Variants in BRI3 observed in about 807,000 individuals in gnomAD.
BRI3 encodes membrane protein BRI3.
BRI3 carries 6 observed loss-of-function variants against 12.8 expected under a neutral mutation model. That is an observed-to-expected ratio of 0.47 (90% CI 0.26 to 0.93). The LOEUF (loss-of-function observed/expected upper bound fraction) is 0.93, where lower values mean the gene tolerates loss of function less well. Among genes scored for constraint, BRI3 ranks in the 40% least tolerant of loss-of-function variants. BRI3 has a pLI of 0.15. For missense variants in BRI3, 134 were observed against 171.1 expected (o/e 0.78, Z 1.21); for synonymous variants, 91 against 76.1 (o/e 1.20, Z -1.02).
At chr7:98,293,203 C>T, downstream of BRI3, 1 of 301,632 alleles carries the variant, frequency 3.3e-6, no homozygotes, top group Non-Finnish European at 6.0e-6. Flanking sequence ...ATCCCTTATT[C>T]TGGCTGTTAT....
downstream of BRI3, among the ~76,000 whole-genome samples, chr7:98,312,507 T>C (rs889114541): frequency 2.6e-5 from 4 of 152,204 alleles, no homozygotes; most frequent in South Asian, 4.2e-4. Flanking sequence ...ATACAGAGCA[T>C]GGGACTAATA....
chr7:98,294,263 G>C, downstream of BRI3: 1 of 724,338 alleles, frequency 1.4e-6, no homozygotes, highest in Non-Finnish European at 2.3e-6. Context: ...AATGTGCTGG[G>C]ACTACAGGTG....
At chr7:98,305,065 T>TC (rs1800599658), upstream of BRI3, among the ~76,000 whole-genome samples, 1 of 146,856 alleles carries the variant, frequency 6.8e-6, no homozygotes, top group East Asian at 2.0e-4. Context: ...TTTTTTTTTT[T>TC]TTTTTAGTAG....
chr7:98,296,208 G>A (rs1800184704), downstream of BRI3, among the ~76,000 whole-genome samples: 1 of 152,254 alleles, frequency 6.6e-6, no homozygotes, highest in Non-Finnish European at 1.5e-5. Context: ...GATGGTCACG[G>A]AGGTGGGCCA....
chr7:98,306,397 G>C, upstream of BRI3: 2 of 1,605,568 alleles, frequency 1.2e-6, no homozygotes. Flanking sequence ...GACAAGGCAG[G>C]GGTTTCTGTC....
downstream of BRI3, chr7:98,310,675 T>A (rs2906184): frequency 0.21 from 206,659 of 982,512 alleles, 16,294 homozygotes; most frequent in South Asian, 0.31. Flanking sequence ...TTTTTTTTTT[T>A]AAATAATAGG....
upstream of BRI3, among the ~76,000 whole-genome samples, chr7:98,303,383 C>T (rs1800505623): frequency 1.3e-5 from 2 of 152,218 alleles, no homozygotes; most frequent in African/African-American, 2.4e-5. Context: ...GCCTCCTCCC[C>T]TTCACCCACA....
At chr7:98,288,632 A>G (rs769768936) in intron 2 of BRI3, among the ~76,000 whole-genome samples, 1 of 151,838 alleles carries the variant, frequency 6.6e-6, no homozygotes, top group South Asian at 2.1e-4. Context: ...GAGTTTGGGA[A>G]ACACTGGGTA....
At chr7:98,292,246 A>AAC (rs1237658737), downstream of BRI3, 3 of 255,372 alleles carry the variant, frequency 1.2e-5, no homozygotes, top group Non-Finnish European at 2.3e-5. Flanking sequence ...AGCACCCAGC[A>AAC]ACACACACGG....
chr7:98,290,847 TC>T (rs1799912062), intron 2 of BRI3, among the ~76,000 whole-genome samples: 1 of 152,268 alleles, frequency 6.6e-6, no homozygotes. Context: ...GTTTTATTCT[TC>T]CCGTTTTCTT....
At position 98,291,482 on chromosome 7, in the gene BRI3, A is replaced by C. The variant is rs1799953193; in HGVS notation, c.*239A>C. 3.7e-6 allele frequency: 5 copies of C among 1,343,370 alleles called. No homozygotes were observed. The highest frequency in any genetic ancestry group is 4.8e-6 in the Non-Finnish European group (5 of 1,046,532). The allele number at this position is 1,343,370 out of a possible 1,614,324, so 83.2% of individuals were successfully genotyped here. A position where few individuals can be genotyped will look rare whatever the true frequency, so the allele number is the denominator to read the frequency against. On this transcript the variant is annotated 3_prime_UTR_variant, in exon 3 of 3. Transcript: ENST00000297290. Reference sequence around the variant, plus strand: ...ATTTTTTGCAGTCTTCAATTTGAGAAAGGTGAGAAATAATGTTTTCAATAA... The same window carrying C: ...ATTTTTTGCAGTCTTCAATTTGAGACAGGTGAGAAATAATGTTTTCAATAA...
At chr7:98,317,394 C>T in the BRI3 span, 6 of 1,608,162 alleles carry the variant, frequency 3.7e-6, no homozygotes, top group East Asian at 1.3e-4. Context: ...TACTGTGGCA[C>T]CACACGAATT....
At chr7:98,296,211 G>C (rs746972459), downstream of BRI3, among the ~76,000 whole-genome samples, 6 of 152,260 alleles carry the variant, frequency 3.9e-5, no homozygotes, top group African/African-American at 1.4e-4. Context: ...GGTCACGGAG[G>C]TGGGCCATGC....
At chr7:98,322,312 A>G in the BRI3 span, among the ~76,000 whole-genome samples, 10 of 152,154 alleles carry the variant, frequency 6.6e-5, no homozygotes, top group Non-Finnish European at 1.2e-4. Context: ...CCCTTGTCCC[A>G]GCTCAGGATT....
intron 2 of BRI3, among the ~76,000 whole-genome samples, chr7:98,290,537 C>T (rs547537980): frequency 6.0e-5 from 9 of 150,968 alleles, no homozygotes; most frequent in East Asian, 5.9e-4. Flanking sequence ...CTCGCTCTGT[C>T]GCCCAGCCTG....
upstream of BRI3, chr7:98,304,122 A>AC: frequency 1.4e-6 from 2 of 1,427,730 alleles, no homozygotes; most frequent in East Asian, 5.1e-5. Context: ...CAAGGCGGTC[A>AC]CCACAGGACC....
chr7:98,318,243 C>G, the BRI3 span, among the ~76,000 whole-genome samples: 16 of 152,320 alleles, frequency 1.1e-4, no homozygotes, highest in East Asian at 2.7e-3. Flanking sequence ...TCTTTTATTC[C>G]TTCTTTCCTC....
At position 98,288,968 on chromosome 7, in the gene BRI3, C is replaced by CT. The variant is rs1326185641; in HGVS notation, c.246-2134dup. Among the ~76,000 whole-genome samples the CT allele has an allele frequency of 1.5e-4, 23 of 150,982 alleles. 1 individual carries two copies. Among genetic ancestry groups the CT allele is most frequent in the East Asian group, 3.9e-4 (2 of 5,106 alleles). On this transcript the variant is annotated intron_variant, in intron 2 of 2. Transcript: ENST00000297290. ...TGGGCATGAAGTTTTTTTCTTTTTTCTTTTTTTTTGAGACGGAGTTTTGCT... is the reference window on the plus strand; with the variant it reads ...TGGGCATGAAGTTTTTTTCTTTTTTCTTTTTTTTTTGAGACGGAGTTTTGCT...
chr7:98,310,998 G>A (rs1412714852), downstream of BRI3, among the ~76,000 whole-genome samples: 1 of 152,044 alleles, frequency 6.6e-6, no homozygotes, highest in Non-Finnish European at 1.5e-5. Flanking sequence ...ATTTCAGGGG[G>A]TTTGAGATGG....
Sources: allele counts gnomAD v4.1 joint callset (sites outside exome capture counted in the v4.1 genomes callset), GRCh38; gene constraint gnomAD v4.1.1; transcripts MANE v1.5; gene names NCBI Gene and HGNC (gene_info 2026-07-23, HGNC 2026-07-21).